LRRC37A3: variants seen among roughly 807,000 people sequenced by gnomAD.
LRRC37A3 encodes leucine-rich repeat-containing protein 37A3.
A neutral mutation model predicts 106.2 loss-of-function variants in LRRC37A3; 25 were observed. The observed-to-expected ratio is 0.24, with a 90% CI of 0.17 to 0.33. The LOEUF is 0.33. Ranked by LOEUF, LRRC37A3 falls within the 10% of genes least tolerant of loss-of-function variation. The probability of loss-of-function intolerance (pLI) is 1.00; values close to 1 mark genes in which losing one functional copy is unlikely to be tolerated. For synonymous variants in LRRC37A3, 305 were observed against 635.8 expected, an observed-to-expected ratio of 0.48 and a Z score of 7.83; for missense variants, 712 against 1,644.9, an observed-to-expected ratio of 0.43 and a Z score of 9.81.
chr17:64,910,116 T>G (rs1297566402), intron 2 of LRRC37A3: 1 of 152,318 alleles, frequency 6.6e-6, no homozygotes, highest in East Asian at 1.9e-4. Context: ...TTTTTAAATC[T>G]GCATTGTGGT....
chr17:64,874,790 C>T (rs955278089), intron 8 of LRRC37A3, among the ~76,000 whole-genome samples: 1 of 152,176 alleles, frequency 6.6e-6, no homozygotes, highest in Admixed American at 6.5e-5. Context: ...TGATCTATGA[C>T]CTTACCCCCA....
In LRRC37A3 at chr17:64,895,402, GGAGT is replaced by G. The variant is rs1974083261; in HGVS notation, c.1852_1855del (p.Thr618GlnfsTer17). On this transcript the variant is annotated frameshift_variant, in exon 4 of 15. Coordinates refer to ENST00000584306, the MANE Select transcript of LRRC37A3 (RefSeq NM_199340.5). LOFTEE classifies it high-confidence loss of function. ...ATGTCCAACCTCCGTAGTGGGTTCT[GGAGT>G]GATGGTAAGTCCCAGGTCCAAAAGT... The G allele has an allele frequency of 7.8e-7, 1 of 1,283,434 alleles. No individual in the cohort carries two copies. Among genetic ancestry groups the G allele is most frequent in the South Asian group, 1.2e-5 (1 of 86,208 alleles). 79.5% of individuals were successfully genotyped at this position (1,283,434 alleles called of 1,614,324 possible).
chr17:64,861,082 A>G (rs1273482225), intron 11 of LRRC37A3, 109 bp from the exon 12 acceptor site: 9 of 1,560,456 alleles, frequency 5.8e-6, no homozygotes, highest in Non-Finnish European at 7.9e-6. Flanking sequence ...CAAACATTCG[A>G]GTGCCATTCA....
chr17:64,910,479 G>GGCAGAGAT (rs1974564660), intron 2 of LRRC37A3, among the ~76,000 whole-genome samples: 1 of 152,222 alleles, frequency 6.6e-6, no homozygotes, highest in South Asian at 2.1e-4. Flanking sequence ...ACCTGCCGAG[G>GGCAGAGAT]GCAGAGATGC....
chr17:64,890,202 T>C (rs1413182115), intron 5 of LRRC37A3, among the ~76,000 whole-genome samples: 1 of 138,374 alleles, frequency 7.2e-6, no homozygotes, highest in Non-Finnish European at 1.5e-5. Context: ...AACTATAATG[T>C]GCATAAAGTG....
intron 12 of LRRC37A3, 54 bp downstream of exon 12, chr17:64,859,388 G>A (rs1240068928): frequency 8.4e-6 from 11 of 1,303,622 alleles, no homozygotes; most frequent in Non-Finnish European, 1.2e-5. Flanking sequence ...GCACTTTCCT[G>A]GGATATGCTA....
chr17:64,874,692 T>G (rs1206979520), intron 8 of LRRC37A3, among the ~76,000 whole-genome samples: 1 of 152,226 alleles, frequency 6.6e-6, no homozygotes. Context: ...GAAATCAGAT[T>G]GTTGCTGTGT....
chr17:64,904,157 A>G (rs2143600549), intron 2 of LRRC37A3, among the ~76,000 whole-genome samples: 1 of 151,994 alleles, frequency 6.6e-6, no homozygotes, highest in African/African-American at 2.4e-5. Context: ...AAAAAAGACA[A>G]TGTTTACACA....
intron 2 of LRRC37A3, 77 bp downstream of exon 2, chr17:64,918,668 AATAAG>A (rs371571728): frequency 1.5e-4 from 37 of 241,662 alleles, no homozygotes; most frequent in African/African-American, 8.1e-4. Flanking sequence ...TTAAAGATTA[AATAAG>A]ATATCATGGC....
rs745380179 is a variant in LRRC37A3 at position 64,855,849 on chromosome 17, C to A, written c.4850G>T (p.Gly1617Val). The change falls in exon 14 of 15, where the codon GGA becomes GTA. Residue 1617 changes from glycine to valine, a missense_variant. Physicochemically the swap from Gly to Val is moderately radical, Grantham distance 109. Transcript: ENST00000584306. ...HRRSLQEDEEGFSRDSEAPTE... is the reference protein window; with the variant it reads ...HRRSLQEDEEVFSRDSEAPTE... Reference sequence around the variant, plus strand: ...CCAGACTAATATTTACCTTGAGAATCCTTCTTCATCTTCTTGTAATGACCT... The same window carrying A: ...CCAGACTAATATTTACCTTGAGAATACTTCTTCATCTTCTTGTAATGACCT... 13 of 1,611,512 alleles carry A rather than the reference C, an allele frequency of 8.1e-6. No individual in the cohort carries two copies. Among genetic ancestry groups the A allele is most frequent in the Non-Finnish European group, 1.1e-5 (13 of 1,179,650 alleles).
rs370824772 is a variant in LRRC37A3, at chr17:64,868,568, G to A, written c.2979-32C>T. The A allele has an allele frequency of 1.6e-3, 2,478 of 1,575,372 alleles. 3 individuals carry two copies. Among genetic ancestry groups the A allele is most frequent in the Non-Finnish European group, 2.1e-3 (2,367 of 1,151,110 alleles). On this transcript the variant is annotated intron_variant, in intron 9 of 14. Coordinates refer to ENST00000584306, the MANE Select transcript of LRRC37A3 (RefSeq NM_199340.5). The stretch of plus-strand genomic sequence containing the variant: ...AAGAAAGCCGAAACATTCATGATAT[G>A]AGCCCCAATAAAAAATTCTGTACTT...
chr17:64,863,101 G>A, intron 10 of LRRC37A3, 83 bp from the exon 11 acceptor site: 1 of 1,568,660 alleles, frequency 6.4e-7, no homozygotes, highest in Non-Finnish European at 8.7e-7. Context: ...ACTACCACAG[G>A]GGTGGGAAAA....
At chr17:64,899,540 C>T (rs1974245247) in intron 2 of LRRC37A3, among the ~76,000 whole-genome samples, 1 of 144,286 alleles carries the variant, frequency 6.9e-6, no homozygotes, top group Non-Finnish European at 1.5e-5. Context: ...CATTTTGCAG[C>T]ACATGATTGT....
chr17:64,919,391 T>C (rs556624603), intron 1 of LRRC37A3, 40 bp downstream of exon 1: 4 of 405,660 alleles, frequency 9.9e-6, no homozygotes, highest in Admixed American at 4.5e-5. Context: ...GCGGAAGCGG[T>C]TGGAGGGAGA....
Position 64,858,796 on chromosome 17 carries a change from G to A in LRRC37A3, c.4792C>T (p.Leu1598Phe). 1 of 1,609,346 alleles carries A rather than the reference G, an allele frequency of 6.2e-7. No individual in the cohort carries two copies. Among genetic ancestry groups the A allele is most frequent in the Non-Finnish European group, 8.5e-7 (1 of 1,176,646 alleles). Residue 1598 changes from leucine (L) to phenylalanine (F), a missense_variant, in exon 13 of 15, where the codon CTT (leucine) becomes TTT (phenylalanine). Transcript: ENST00000584306. Reference sequence around the variant, plus strand: ...GTCCTTACCTCAATGAGGCAGAGAAGTATAATCAAAATCGTTAGTATTCCA... The same window carrying A: ...GTCCTTACCTCAATGAGGCAGAGAAATATAATCAAAATCGTTAGTATTCCA... Reference protein sequence around the residue: ...VTGILTILIILLCLIEICCHR... With the variant: ...VTGILTILIIFLCLIEICCHR...
intron 8 of LRRC37A3, among the ~76,000 whole-genome samples, chr17:64,872,173 A>G (rs1973344322): frequency 6.9e-6 from 1 of 145,166 alleles, no homozygotes; most frequent in South Asian, 2.2e-4. Context: ...CCAAAAATTC[A>G]TCCCTTCATA....
At chr17:64,868,662 G>A in intron 9 of LRRC37A3, 126 bp from the exon 10 acceptor site, 1 of 1,356,242 alleles carries the variant, frequency 7.4e-7, no homozygotes, top group Non-Finnish European at 1.0e-6. Flanking sequence ...GAATTCCAGG[G>A]AGCTCTTATT....
intron 12 of LRRC37A3, 104 bp downstream of exon 12, chr17:64,859,338 G>A (rs1377102461): frequency 4.8e-6 from 6 of 1,260,866 alleles, no homozygotes; most frequent in Non-Finnish European, 6.7e-6. Flanking sequence ...ACATGGCCAA[G>A]ATAAGCTATG....
chr17:64,877,698 A>T (rs186498782), intron 8 of LRRC37A3, among the ~76,000 whole-genome samples: 1 of 152,358 alleles, frequency 6.6e-6, no homozygotes, highest in East Asian at 1.9e-4. Context: ...CACCCTAAAT[A>T]GCAAAATAAT....
Sources: allele counts gnomAD v4.1 joint callset (sites outside exome capture counted in the v4.1 genomes callset), GRCh38; gene constraint gnomAD v4.1.1; transcripts MANE v1.5; gene names NCBI Gene and HGNC (gene_info 2026-07-23, HGNC 2026-07-21).